The following ADGRL3 variants were observed in gnomAD, a reference collection of about 807,000 sequenced individuals.
ADGRL3 encodes adhesion G protein-coupled receptor L3.
Under a neutral mutation model 153.5 loss-of-function variants are expected in ADGRL3, and 62 were observed. That is an observed-to-expected ratio of 0.40 (90% CI 0.33 to 0.50). ADGRL3 has a LOEUF of 0.50. ADGRL3 is among the 20% of genes least tolerant of loss of function. ADGRL3 has a pLI of 0.47. For synonymous variants in ADGRL3, 710 were observed against 672.5 expected (o/e 1.06, Z -0.86); for missense variants, 1,641 against 1,859.4 (o/e 0.88, Z 2.16).
intron 1 of ADGRL3, among the ~76,000 whole-genome samples, chr4:61,243,700 G>A (rs980061304): frequency 2.1e-4 from 32 of 151,950 alleles, no homozygotes; most frequent in African/African-American, 7.2e-4. Flanking sequence ...GTCCATTTTA[G>A]TCCCTCTTCC....
intron 1 of ADGRL3, among the ~76,000 whole-genome samples, chr4:61,330,269 G>A (rs2095545887): frequency 6.6e-6 from 1 of 152,160 alleles, no homozygotes; most frequent in Non-Finnish European, 1.5e-5. Flanking sequence ...GATGTCTCCA[G>A]AAAAGATTAG....
chr4:61,716,828 C>A (rs576246233), intron 6 of ADGRL3, among the ~76,000 whole-genome samples: 1 of 152,030 alleles, frequency 6.6e-6, no homozygotes, highest in Admixed American at 6.6e-5. Flanking sequence ...AACAAAAAGC[C>A]CATTGTCATA....
intron 9 of ADGRL3, among the ~76,000 whole-genome samples, chr4:61,862,158 T>C (rs1178847603): frequency 6.6e-6 from 1 of 152,192 alleles, no homozygotes; most frequent in Non-Finnish European, 1.5e-5. Flanking sequence ...AAAACTTCTT[T>C]GTTTCCCCAT....
chr4:61,536,697 A>G (rs1308462454), intron 4 of ADGRL3, among the ~76,000 whole-genome samples: 1 of 152,064 alleles, frequency 6.6e-6, no homozygotes, highest in Admixed American at 6.5e-5. Context: ...TGATACAAGA[A>G]TAACCATCCC....
At chr4:61,987,258 CG>C (rs1416162542) in intron 19 of ADGRL3, among the ~76,000 whole-genome samples, 1 of 151,768 alleles carries the variant, frequency 6.6e-6, no homozygotes, top group Non-Finnish European at 1.5e-5. Flanking sequence ...CCCTGCCACC[CG>C]GGTTCAAGCG....
intron 5 of ADGRL3, among the ~76,000 whole-genome samples, chr4:61,591,415 T>G (rs1275133423): frequency 1.3e-5 from 2 of 152,132 alleles, no homozygotes; most frequent in East Asian, 3.9e-4. Flanking sequence ...TTCCCCAACC[T>G]GTGCAGTGTC....
At chr4:61,807,649 G>A (rs1366727174) in intron 8 of ADGRL3, among the ~76,000 whole-genome samples, 1 of 152,060 alleles carries the variant, frequency 6.6e-6, no homozygotes, top group Non-Finnish European at 1.5e-5. Flanking sequence ...AACAGTTGCT[G>A]TATCAAATTT....
intron 9 of ADGRL3, among the ~76,000 whole-genome samples, chr4:61,859,571 C>G (rs1273273307): frequency 6.6e-6 from 1 of 152,102 alleles, no homozygotes; most frequent in Non-Finnish European, 1.5e-5. Context: ...ACCATTTTTT[C>G]TCTTTACAAT....
intron 2 of ADGRL3, among the ~76,000 whole-genome samples, chr4:61,453,898 G>C (rs2097704427): frequency 6.6e-6 from 1 of 151,908 alleles, no homozygotes; most frequent in African/African-American, 2.4e-5. Context: ...TATTATCTGA[G>C]AGTTGCCTAA....
intron 1 of ADGRL3, among the ~76,000 whole-genome samples, chr4:61,376,118 A>T (rs1241536885): frequency 3.3e-5 from 5 of 152,226 alleles, no homozygotes; most frequent in Non-Finnish European, 5.9e-5. Context: ...AATTGTTTTG[A>T]ACTGTTTTGT....
chr4:61,443,824 G>A (rs1560641919), intron 2 of ADGRL3, among the ~76,000 whole-genome samples: 1 of 152,076 alleles, frequency 6.6e-6, no homozygotes, highest in Admixed American at 6.5e-5. Context: ...GTGGGTAATA[G>A]ACAAATTCCA....
intron 5 of ADGRL3, among the ~76,000 whole-genome samples, chr4:61,600,209 G>T (rs1431181554): frequency 6.7e-6 from 1 of 149,926 alleles, no homozygotes; most frequent in Non-Finnish European, 1.5e-5. Flanking sequence ...TCAGGAGGCT[G>T]AGGCAGGAGA....
rs998680248 is a variant in ADGRL3 at position 61,508,718 on chromosome 4, G to A, written c.56-8597G>A. Among the ~76,000 whole-genome samples the A allele has an allele frequency of 3.3e-5, 5 of 152,118 alleles. No homozygotes were observed. In the South Asian group the frequency reaches 6.2e-4, roughly 19 times the overall value. The stretch of plus-strand genomic sequence containing the variant: ...CATACTACCCAATAGGTAGTTTTCC[G>A]ACCTTGCCTCACTCTCCCTCCTAGT... On this transcript the variant is annotated intron_variant, in intron 3 of 26. Coordinates refer to ENST00000683033, the MANE Select transcript of ADGRL3 (RefSeq NM_001387552.1).
intron 24 of ADGRL3, among the ~76,000 whole-genome samples, chr4:62,041,960 A>G (rs1728565220): frequency 6.6e-6 from 1 of 152,094 alleles, no homozygotes; most frequent in African/African-American, 2.4e-5. Context: ...AGACATGTTC[A>G]TTAACCACTG....
At chr4:61,908,564 T>G (rs2149799150) in intron 11 of ADGRL3, among the ~76,000 whole-genome samples, 1 of 145,850 alleles carries the variant, frequency 6.9e-6, no homozygotes, top group South Asian at 2.2e-4. Flanking sequence ...GCCGAGATCA[T>G]GCCATTGCAC....
In ADGRL3 at chr4:61,545,583, G is replaced by T. The variant is rs377503905; in HGVS notation, c.259+28065G>T. Among the ~76,000 whole-genome samples the T allele has an allele frequency of 1.5e-3, 222 of 152,234 alleles. 1 individual carries two copies. The highest frequency in any genetic ancestry group is 5.1e-3 in the African/African-American group (211 of 41,546). On this transcript the variant is annotated intron_variant, in intron 4 of 26. Coordinates refer to ENST00000683033, the MANE Select transcript of ADGRL3 (RefSeq NM_001387552.1). ...GGCTGGAGTGCAGTGACGCCATCTC[G>T]GCTCACTGCAACCTCCGCCTGCCGA...
At chr4:61,952,261 G>T (rs2098949792) in intron 17 of ADGRL3, among the ~76,000 whole-genome samples, 1 of 152,060 alleles carries the variant, frequency 6.6e-6, no homozygotes. Flanking sequence ...CAGATCACTT[G>T]AGCTTAGGAG....
intron 1 of ADGRL3, among the ~76,000 whole-genome samples, chr4:61,208,619 T>C (rs1738409813): frequency 6.6e-6 from 1 of 152,186 alleles, no homozygotes; most frequent in African/African-American, 2.4e-5. Flanking sequence ...ACTCTCACAC[T>C]TTAGAACTCA....
At position 61,432,573 on chromosome 4, in the gene ADGRL3, C is replaced by CTTTCTTTCTTTCTTTCT. The variant is rs1560622534; in HGVS notation, c.-174+49384_-174+49385insTTTCTTTCTTTCTTTCT. Among the ~76,000 whole-genome samples, 237 of 35,868 alleles carry CTTTCTTTCTTTCTTTCT rather than the reference C, an allele frequency of 6.6e-3. 14 individuals are homozygous for CTTTCTTTCTTTCTTTCT. The highest frequency in any genetic ancestry group is 0.014 in the African/African-American group (186 of 13,060). 23.5% of individuals were successfully genotyped at this position (35,868 alleles called of 152,430 possible). On this transcript the variant is annotated intron_variant, in intron 2 of 26. Transcript: ENST00000683033. ...TTTATAGATTTCTTTTCTTTCTCTT[C>CTTTCTTTCTTTCTTTCT]CTTTCTTTCTTTCTTTCTTTCTTTC... is the stretch of plus-strand genomic sequence containing the variant.
Sources: allele counts gnomAD v4.1 joint callset (sites outside exome capture counted in the v4.1 genomes callset), GRCh38; gene constraint gnomAD v4.1.1; transcripts MANE v1.5; gene names NCBI Gene and HGNC (gene_info 2026-07-23, HGNC 2026-07-21).